TMEM132D: variants seen among roughly 807,000 people sequenced by gnomAD.
The protein encoded by TMEM132D is mature OL transmembrane protein.
TMEM132D carries 21 observed loss-of-function variants against 62.3 expected under a neutral mutation model. That is an observed-to-expected ratio of 0.34 (90% confidence interval 0.24 to 0.49). TMEM132D has a LOEUF of 0.49. Ranked by LOEUF, TMEM132D falls within the 20% of genes least tolerant of loss-of-function variation. The pLI is 0.99. For synonymous variants in TMEM132D, 621 were observed against 575.6 expected, an observed-to-expected ratio of 1.08 and a Z score of -1.13; for missense variants, 1,346 against 1,402.8, an observed-to-expected ratio of 0.96 and a Z score of 0.65.
chr12:129,463,716 C>T lies in TMEM132D; in HGVS notation c.1115+67343G>A, dbSNP rs372421656. 5.2e-4 allele frequency among the ~76,000 whole-genome samples: 79 copies of T among 151,154 alleles called. No homozygotes were observed. The East Asian group carries it at 7.7e-3, about 15-fold the overall frequency. Reference sequence around the variant, plus strand: ...TTCAATTCCCACCTATGAGTGAGAACATGCGGTGTTCGGTTTTTTGTCCTT... The same window carrying T: ...TTCAATTCCCACCTATGAGTGAGAATATGCGGTGTTCGGTTTTTTGTCCTT... On this transcript the variant is annotated intron_variant, in intron 3 of 8. Coordinates refer to ENST00000422113, the MANE Select transcript of TMEM132D (RefSeq NM_133448.3).
At chr12:129,586,404 T>C (rs1384441590) in intron 2 of TMEM132D, among the ~76,000 whole-genome samples, 2 of 152,204 alleles carry the variant, frequency 1.3e-5, no homozygotes, top group African/African-American at 4.8e-5. Context: ...TTGGCTATAG[T>C]GTCTTAGTCA....
intron 1 of TMEM132D, among the ~76,000 whole-genome samples, chr12:129,792,335 T>C (rs1181951221): frequency 6.6e-6 from 1 of 152,202 alleles, no homozygotes; most frequent in Non-Finnish European, 1.5e-5. Flanking sequence ...ATTTCATCTC[T>C]ACGGGCCTTA....
chr12:129,608,566 T>C (rs1011637379), intron 2 of TMEM132D, among the ~76,000 whole-genome samples: 3 of 152,216 alleles, frequency 2.0e-5, no homozygotes, highest in Non-Finnish European at 4.4e-5. Flanking sequence ...TTCTGAAACC[T>C]CTAAGCATTC....
intron 2 of TMEM132D, among the ~76,000 whole-genome samples, chr12:129,559,932 A>G (rs533801472): frequency 3.5e-4 from 54 of 152,370 alleles, no homozygotes; most frequent in African/African-American, 1.3e-3. Context: ...CACGTGGAAT[A>G]CAGCTGCTGG....
chr12:129,324,835 A>G (rs1447587605), intron 4 of TMEM132D, among the ~76,000 whole-genome samples: 4 of 152,214 alleles, frequency 2.6e-5, no homozygotes, highest in African/African-American at 4.8e-5. Flanking sequence ...CTCAAGAAAA[A>G]AAGAAAAAAA....
At chr12:129,564,244 T>C (rs74841972) in intron 2 of TMEM132D, among the ~76,000 whole-genome samples, 2,029 of 152,330 alleles carry the variant, frequency 0.013, 47 homozygotes, top group African/African-American at 0.046. Context: ...CTAAGTCTCC[T>C]TGACTTGTCA....
intron 5 of TMEM132D, among the ~76,000 whole-genome samples, chr12:129,087,086 A>G (rs1874644178): frequency 6.6e-6 from 1 of 152,158 alleles, no homozygotes; most frequent in Admixed American, 6.5e-5. Flanking sequence ...CCCATCATGT[A>G]TTCAGCAGCA....
chr12:129,411,915 C>T (rs1254637920), intron 3 of TMEM132D, among the ~76,000 whole-genome samples: 1 of 152,150 alleles, frequency 6.6e-6, no homozygotes, highest in Non-Finnish European at 1.5e-5. Flanking sequence ...GCATATGGTA[C>T]CTTGGCCGGG....
At chr12:129,287,747 G>T (rs1211772995) in intron 4 of TMEM132D, among the ~76,000 whole-genome samples, 1 of 145,144 alleles carries the variant, frequency 6.9e-6, no homozygotes, top group Non-Finnish European at 1.5e-5. Flanking sequence ...TGTTAAAAAA[G>T]GTTGATCTTT....
At position 129,163,970 on chromosome 12, in the gene TMEM132D, T is replaced by C. The variant is rs182379910; in HGVS notation, c.1443+45550A>G. Among the ~76,000 whole-genome samples, 11 of 152,360 alleles carry C rather than the reference T, an allele frequency of 7.2e-5. No individual in the cohort carries two copies. In the East Asian group the frequency reaches 2.1e-3, roughly 29 times the overall value. ...GAAGTTGATACCAAATTATTGTCTT[T>C]TCTTTGTTCAAGTGCGTGACACCAA... On this transcript the variant is annotated intron_variant, in intron 5 of 8. Coordinates refer to ENST00000422113, the MANE Select transcript of TMEM132D (RefSeq NM_133448.3).
intron 2 of TMEM132D, among the ~76,000 whole-genome samples, chr12:129,662,476 A>G (rs1178060597): frequency 6.6e-6 from 1 of 152,148 alleles, no homozygotes; most frequent in Non-Finnish European, 1.5e-5. Context: ...GACTCAAATC[A>G]TCTGTCCTAA....
chr12:129,373,401 G>C (rs978184265), intron 3 of TMEM132D, among the ~76,000 whole-genome samples: 3 of 152,160 alleles, frequency 2.0e-5, no homozygotes, highest in Non-Finnish European at 4.4e-5. Context: ...GGGAGGACGA[G>C]GTGGGTGGAT....
chr12:129,509,842 G>A (rs764934572), intron 3 of TMEM132D, among the ~76,000 whole-genome samples: 4 of 152,122 alleles, frequency 2.6e-5, no homozygotes, highest in Non-Finnish European at 5.9e-5. Context: ...TTGTATATAT[G>A]TACCTCATTT....
At chr12:129,187,227 G>A (rs1189174544) in intron 5 of TMEM132D, among the ~76,000 whole-genome samples, 1 of 139,334 alleles carries the variant, frequency 7.2e-6, no homozygotes, top group Non-Finnish European at 1.6e-5. Flanking sequence ...GTCACCAGGT[G>A]GAGGAAGACA....
At chr12:129,663,061 T>C (rs571705745) in intron 2 of TMEM132D, among the ~76,000 whole-genome samples, 1 of 152,268 alleles carries the variant, frequency 6.6e-6, no homozygotes, top group Admixed American at 6.5e-5. Flanking sequence ...GTTATAGTCT[T>C]TATACCTAGT....
intron 4 of TMEM132D, among the ~76,000 whole-genome samples, chr12:129,312,469 CATCT>C (rs1224080275): frequency 1.3e-5 from 2 of 152,184 alleles, no homozygotes; most frequent in African/African-American, 4.8e-5. Flanking sequence ...AATGAGAGGA[CATCT>C]ATCATTCATT....
chr12:129,714,971 C>T (rs1219803713), intron 1 of TMEM132D, among the ~76,000 whole-genome samples: 4 of 152,124 alleles, frequency 2.6e-5, no homozygotes, highest in African/African-American at 4.8e-5. Flanking sequence ...CCCATCCTCA[C>T]CCCCATCAGG....
At chr12:129,206,637 A>G (rs10773611) in intron 5 of TMEM132D, among the ~76,000 whole-genome samples, 28,991 of 152,226 alleles carry the variant, frequency 0.19, 3,147 homozygotes, top group East Asian at 0.41. Context: ...ATTCTACCAT[A>G]AAGATACATG....
In TMEM132D at chr12:129,656,641, G is replaced by A. The variant is rs1376383909; in HGVS notation, c.968+43169C>T. On this transcript the variant is annotated intron_variant, in intron 2 of 8. Transcript: ENST00000422113. Reference sequence around the variant, plus strand: ...GAGTATGTGCCTACCTAAAATTGGCGGCTACTTCTCAGCTCTAGATCACCA... The same window carrying A: ...GAGTATGTGCCTACCTAAAATTGGCAGCTACTTCTCAGCTCTAGATCACCA... Among the ~76,000 whole-genome samples, 5 of 152,240 alleles carry A rather than the reference G, an allele frequency of 3.3e-5. No individual in the cohort carries two copies. The East Asian group carries it at 7.7e-4, about 24-fold the overall frequency.
Sources: allele counts gnomAD v4.1 joint callset (sites outside exome capture counted in the v4.1 genomes callset), GRCh38; gene constraint gnomAD v4.1.1; transcripts MANE v1.5; gene names NCBI Gene and HGNC (gene_info 2026-07-23, HGNC 2026-07-21).